ZMYND8: variants seen among roughly 807,000 people sequenced by gnomAD.
ZMYND8 encodes the protein zinc finger MYND-type containing 8, also known as MYND-type zinc finger-containing chromatin reader ZMYND8.
Under a neutral mutation model 140.8 loss-of-function variants are expected in ZMYND8, and 37 were observed. The ratio of observed to expected loss-of-function variants is 0.26; its 90% CI spans 0.20 to 0.35. The LOEUF (loss-of-function observed/expected upper bound fraction) is 0.35, where lower values mean the gene tolerates loss of function less well. ZMYND8 is among the 10% of genes least tolerant of loss of function. The pLI is 1.00. For synonymous variants in ZMYND8, 592 were observed against 597.1 expected, an observed-to-expected ratio of 0.99 and a Z score of 0.12; for missense variants, 1,068 against 1,570.0, an observed-to-expected ratio of 0.68 and a Z score of 5.40.
At chr20:47,219,935 A>G (rs1317537091) in intron 21 of ZMYND8, among the ~76,000 whole-genome samples, 1 of 152,030 alleles carries the variant, frequency 6.6e-6, no homozygotes, top group East Asian at 1.9e-4. Flanking sequence ...TCCCTGAGAG[A>G]GAGAGAAAAA....
intron 2 of ZMYND8, among the ~76,000 whole-genome samples, chr20:47,328,496 G>T (rs925265264): frequency 6.6e-6 from 1 of 151,822 alleles, no homozygotes; most frequent in African/African-American, 2.4e-5. Flanking sequence ...TCGAGACAGA[G>T]TCTGTTGTCC....
At chr20:47,230,189 C>CCATAAAGCTAGTTTCCATACCCA (rs546453605) in intron 16 of ZMYND8, among the ~76,000 whole-genome samples, 1 of 152,154 alleles carries the variant, frequency 6.6e-6, no homozygotes, top group African/African-American at 2.4e-5. Context: ...CACTTCATAA[C>CCATAAAGCTAGTTTCCATACCCA]CATAAAGCTA....
At chr20:47,229,372 CAAG>C (rs1467641215) in intron 17 of ZMYND8, among the ~76,000 whole-genome samples, 2 of 152,028 alleles carry the variant, frequency 1.3e-5, no homozygotes, top group African/African-American at 4.8e-5. Flanking sequence ...AATTATTGAA[CAAG>C]AAGAAGCACT....
intron 8 of ZMYND8, among the ~76,000 whole-genome samples, chr20:47,284,198 C>G (rs564108682): frequency 1.3e-5 from 2 of 152,208 alleles, no homozygotes; most frequent in Admixed American, 6.5e-5. Context: ...GCTAGGATTA[C>G]AGGTGTGAGC....
At chr20:47,238,624 C>T in intron 15 of ZMYND8, 134 bp downstream of exon 15, 1 of 1,438,672 alleles carries the variant, frequency 7.0e-7, no homozygotes, top group Admixed American at 2.0e-5. Context: ...ATGGAATGTG[C>T]AAGGCCTTCA....
At chr20:47,235,997 G>A (rs146893284) in intron 16 of ZMYND8, among the ~76,000 whole-genome samples, 12 of 152,222 alleles carry the variant, frequency 7.9e-5, no homozygotes, top group Non-Finnish European at 1.8e-4. Context: ...CCAAACCCCT[G>A]GTCAGCTGTT....
At chr20:47,235,388 C>T (rs148174379) in intron 16 of ZMYND8, among the ~76,000 whole-genome samples, 1 of 152,198 alleles carries the variant, frequency 6.6e-6, no homozygotes, top group East Asian at 1.9e-4. Flanking sequence ...ATGGTATCTA[C>T]CTGAATTCAA....
chr20:47,298,591 G>T lies in ZMYND8; in HGVS notation c.453+138C>A. On this transcript the variant is annotated intron_variant, in intron 4 of 22. Transcript: ENST00000471951. The surrounding 1 kb of genome is among the most constrained non-coding windows in gnomAD (Gnocchi z 5.0). ...TGCCGGTGTTGGTCAAGAAGGGGGTGACCAGGATAGAACAGGTGGAAAGCA... is the reference window on the plus strand; with the variant it reads ...TGCCGGTGTTGGTCAAGAAGGGGGTTACCAGGATAGAACAGGTGGAAAGCA... 1 of 1,477,224 alleles carries T rather than the reference G, an allele frequency of 6.8e-7. No individual in the cohort carries two copies. 91.5% of individuals were successfully genotyped at this position (1,477,224 alleles called of 1,614,324 possible). A position where few individuals can be genotyped will look rare whatever the true frequency, so the allele number is the denominator to read the frequency against.
At chr20:47,220,390 T>G in intron 20 of ZMYND8, 66 bp from the exon 21 acceptor site, 1 of 1,319,380 alleles carries the variant, frequency 7.6e-7, no homozygotes, top group Non-Finnish European at 1.1e-6. Flanking sequence ...CACAGGGAAA[T>G]CCAGGGAGTC....
In ZMYND8 at chr20:47,300,608, A is replaced by G. The variant is rs4641999; in HGVS notation, c.235-1661T>C. ...AACATCAGTTTTGTCTTTTCCTATCATATACTTTAACACGACTTTTCTTTT... is the reference window on the plus strand; with the variant it reads ...AACATCAGTTTTGTCTTTTCCTATCGTATACTTTAACACGACTTTTCTTTT... On this transcript the variant is annotated intron_variant, in intron 3 of 22. Transcript: ENST00000471951. 6.0e-3 allele frequency among the ~76,000 whole-genome samples: 921 copies of G among 152,338 alleles called. 11 individuals are homozygous for G. Among genetic ancestry groups the G allele is most frequent in the African/African-American group, 0.02 (824 of 41,584 alleles).
chr20:47,284,452 A>G (rs2076800754), intron 8 of ZMYND8, among the ~76,000 whole-genome samples: 1 of 152,208 alleles, frequency 6.6e-6, no homozygotes, highest in African/African-American at 2.4e-5. Flanking sequence ...CCCTGCAACA[A>G]AGAATTCTCC....
At chr20:47,280,946 C>T (rs894758036) in intron 10 of ZMYND8, among the ~76,000 whole-genome samples, 1 of 152,152 alleles carries the variant, frequency 6.6e-6, no homozygotes, top group Non-Finnish European at 1.5e-5. Flanking sequence ...TCACACCAGG[C>T]CCCCACCACT....
Position 47,210,715 on chromosome 20 carries a change from G to C in ZMYND8, c.*46C>G, listed in dbSNP as rs2146726081. ...GTTGTTTCTTCTTTTCCTGGCGTCTGGGTTTTTCTCCCAATGGGGTGGGTG... is the reference window on the plus strand; with the variant it reads ...GTTGTTTCTTCTTTTCCTGGCGTCTCGGTTTTTCTCCCAATGGGGTGGGTG... On this transcript the variant is annotated 3_prime_UTR_variant, in exon 23 of 23. Transcript: ENST00000471951. 5 of 1,613,834 alleles carry C rather than the reference G, an allele frequency of 3.1e-6. No homozygotes were observed. Among genetic ancestry groups the C allele is most frequent in the Non-Finnish European group, 3.4e-6 (4 of 1,179,874 alleles).
At chr20:47,281,951 C>G in intron 10 of ZMYND8, 151 bp downstream of exon 10, 1 of 681,178 alleles carries the variant, frequency 1.5e-6, no homozygotes, top group Non-Finnish European at 2.4e-6. Context: ...GCTTAACATA[C>G]CACAGGAAAT....
At chr20:47,255,561 AGTGTGT>A (rs141205253) in intron 12 of ZMYND8, among the ~76,000 whole-genome samples, 12,551 of 119,742 alleles carry the variant, frequency 0.1, 853 homozygotes, top group African/African-American at 0.18. Context: ...ACATATACTC[AGTGTGT>A]GTGTGTGTGT....
rs35132615 is a variant in ZMYND8 at position 47,223,507 on chromosome 20, A to AAAT, written c.3256+807_3256+809dup. Among the ~76,000 whole-genome samples, 1,237 of 151,312 alleles carry AAAT rather than the reference A, an allele frequency of 8.2e-3. 15 individuals are homozygous for AAAT. The highest frequency in any genetic ancestry group is 0.028 in the African/African-American group (1,146 of 41,158). On this transcript the variant is annotated intron_variant, in intron 19 of 22. Coordinates refer to ENST00000471951, the MANE Select transcript of ZMYND8 (RefSeq NM_001281775.3). ...GGGACAAGAGCAAAACTCTGTCTCA[A>AAAT]AATAATAATAATAATAATTCATAAA... is the stretch of plus-strand genomic sequence containing the variant.
chr20:47,346,640 T>G (rs913626357), intron 2 of ZMYND8, among the ~76,000 whole-genome samples: 1 of 152,022 alleles, frequency 6.6e-6, no homozygotes, highest in African/African-American at 2.4e-5. Flanking sequence ...GGAGTCTTGC[T>G]CTGTCGCCCA....
At chr20:47,245,062 C>T (rs529867024) in intron 14 of ZMYND8, among the ~76,000 whole-genome samples, 2 of 151,964 alleles carry the variant, frequency 1.3e-5, no homozygotes, top group Non-Finnish European at 2.9e-5. Flanking sequence ...TGTCCGCCCC[C>T]CCTCCCCAAA....
chr20:47,252,864 A>G (rs2147381719), intron 12 of ZMYND8, among the ~76,000 whole-genome samples: 1 of 152,194 alleles, frequency 6.6e-6, no homozygotes, highest in East Asian at 1.9e-4. Context: ...GGTTGCAGTG[A>G]GCCGAGATCA....
Sources: gnomAD v4.1 joint callset for allele counts (sites outside exome capture counted in the v4.1 genomes callset) on GRCh38, gnomAD v4.1.1 for gene constraint, Gnocchi (gnomAD v3.1) non-coding constraint, MANE v1.5 for transcripts, NCBI Gene and HGNC (gene_info 2026-07-23, HGNC 2026-07-21) for gene names.